Variants in GLIS3 observed in about 807,000 individuals in gnomAD.
The protein encoded by GLIS3 is GLIS family zinc finger 3.
Under a neutral mutation model 78.6 loss-of-function variants are expected in GLIS3, and 53 were observed. The observed-to-expected ratio is 0.67, with a 90% CI of 0.54 to 0.85. GLIS3 has a LOEUF of 0.85. GLIS3 is among the 40% of genes least tolerant of loss of function. GLIS3 has a pLI of 0.00. For synonymous variants in GLIS3, 684 were observed against 509.9 expected (o/e 1.34, Z -4.60); for missense variants, 1,703 against 1,231.1 (o/e 1.38, Z -5.74).
the GLIS3 span, among the ~76,000 whole-genome samples, chr9:4,438,023 G>C: frequency 2.0e-5 from 3 of 152,194 alleles, no homozygotes; most frequent in African/African-American, 7.2e-5. Flanking sequence ...GTGGATTTTT[G>C]ACTGTATAAG....
intron 6 of GLIS3, 33 bp from the exon 7 acceptor site, chr9:3,898,868 G>A: frequency 6.2e-7 from 1 of 1,613,066 alleles, no homozygotes; most frequent in Non-Finnish European, 8.5e-7. Flanking sequence ...ACATCGATAA[G>A]GAGAGCCGGT....
intron 8 of GLIS3, among the ~76,000 whole-genome samples, chr9:3,867,682 A>G (rs1249207903): frequency 6.6e-6 from 1 of 152,026 alleles, no homozygotes; most frequent in Non-Finnish European, 1.5e-5. Context: ...CAACATTGAG[A>G]TCAGGAACAA....
At chr9:4,013,101 G>C (rs551301647) in intron 4 of GLIS3, among the ~76,000 whole-genome samples, 1 of 151,920 alleles carries the variant, frequency 6.6e-6, no homozygotes, top group Admixed American at 6.6e-5. Flanking sequence ...GTATCCTTTG[G>C]GCATCTTCAG....
chr9:4,429,762 T>C, the GLIS3 span, among the ~76,000 whole-genome samples: 33,814 of 151,984 alleles, frequency 0.22, 3,818 homozygotes, highest in Admixed American at 0.27. Context: ...TTTAAAATTA[T>C]GGAATGGAGA....
At chr9:3,921,324 G>T (rs1035804897) in intron 6 of GLIS3, among the ~76,000 whole-genome samples, 2 of 152,200 alleles carry the variant, frequency 1.3e-5, no homozygotes, top group African/African-American at 4.8e-5. Context: ...CCATTCACAG[G>T]CATGGTCTCA....
At chr9:3,863,718 T>G (rs890410037) in intron 8 of GLIS3, among the ~76,000 whole-genome samples, 3 of 152,208 alleles carry the variant, frequency 2.0e-5, no homozygotes, top group African/African-American at 4.8e-5. Flanking sequence ...TGAGTGAGTG[T>G]GAGAAACAGA....
At chr9:4,377,116 G>A in the GLIS3 span, among the ~76,000 whole-genome samples, 3 of 135,146 alleles carry the variant, frequency 2.2e-5, 1 homozygote, top group African/African-American at 7.8e-5. Context: ...AGGATGCCTA[G>A]ATAGCTGGTA....
intron 6 of GLIS3, 181 bp from the exon 7 acceptor site, chr9:3,899,016 A>C: frequency 2.7e-6 from 2 of 727,446 alleles, no homozygotes; most frequent in Non-Finnish European, 4.7e-6. Flanking sequence ...CAATCCTAAT[A>C]ACACCTGGCA....
intron 2 of GLIS3, among the ~76,000 whole-genome samples, chr9:4,185,517 T>A (rs1217570104): frequency 2.6e-5 from 4 of 152,198 alleles, no homozygotes; most frequent in Admixed American, 2.0e-4. Flanking sequence ...TATTTTAACA[T>A]CCTGAAAATT....
chr9:4,396,240 G>T, the GLIS3 span, among the ~76,000 whole-genome samples: 1 of 151,524 alleles, frequency 6.6e-6, no homozygotes, highest in African/African-American at 2.4e-5. Flanking sequence ...AGCTTCCCAA[G>T]TAGCTGGGAT....
At chr9:4,120,577 G>T (rs1281546301) in intron 3 of GLIS3, among the ~76,000 whole-genome samples, 1 of 152,258 alleles carries the variant, frequency 6.6e-6, no homozygotes, top group Admixed American at 6.5e-5. Context: ...GGATGTCAAG[G>T]GCCTTTTGGT....
At chr9:4,410,779 C>T in the GLIS3 span, among the ~76,000 whole-genome samples, 1 of 152,168 alleles carries the variant, frequency 6.6e-6, no homozygotes, top group African/African-American at 2.4e-5. Context: ...TATTTAACTG[C>T]CAGCCAAAGT....
chr9:3,835,979 T>C (rs998498117), intron 9 of GLIS3, among the ~76,000 whole-genome samples: 1 of 152,144 alleles, frequency 6.6e-6, no homozygotes, highest in African/African-American at 2.4e-5. Context: ...CATATGACAA[T>C]AGAAAATTTT....
At chr9:4,326,493 T>G (rs1243290408) in intron 2 of GLIS3, among the ~76,000 whole-genome samples, 2 of 152,082 alleles carry the variant, frequency 1.3e-5, no homozygotes, top group Non-Finnish European at 2.9e-5. Context: ...GTATTTACAG[T>G]AGTAAAATTC....
At chr9:4,372,825 G>T in the GLIS3 span, among the ~76,000 whole-genome samples, 1 of 152,130 alleles carries the variant, frequency 6.6e-6, no homozygotes, top group East Asian at 1.9e-4. Context: ...TTTCACCTAC[G>T]TTCTCACCTC....
intron 2 of GLIS3, among the ~76,000 whole-genome samples, chr9:4,216,714 G>A (rs541884015): frequency 6.4e-4 from 97 of 152,196 alleles, no homozygotes; most frequent in South Asian, 4.8e-3. Context: ...GTCCAATGTG[G>A]CCTAGGATTC....
intron 4 of GLIS3, among the ~76,000 whole-genome samples, chr9:3,957,220 T>C (rs576625805): frequency 2.0e-5 from 3 of 152,354 alleles, no homozygotes; most frequent in East Asian, 3.9e-4. Flanking sequence ...TGGAGCCCTT[T>C]CCCGAGAGTG....
intron 4 of GLIS3, among the ~76,000 whole-genome samples, chr9:3,950,086 C>G (rs1003021099): frequency 2.6e-5 from 4 of 152,216 alleles, no homozygotes; most frequent in Non-Finnish European, 5.9e-5. Context: ...CCAAAGCCTA[C>G]AAGTCATTTT....
At chr9:4,245,047 T>C (rs1823671445) in intron 2 of GLIS3, among the ~76,000 whole-genome samples, 1 of 152,238 alleles carries the variant, frequency 6.6e-6, no homozygotes, top group African/African-American at 2.4e-5. Context: ...ATCTTGGTTC[T>C]ACATCAAAAG....
Sources: gnomAD v4.1 joint callset for allele counts (sites outside exome capture counted in the v4.1 genomes callset) on GRCh38, gnomAD v4.1.1 for gene constraint, MANE v1.5 for transcripts, NCBI Gene and HGNC (gene_info 2026-07-23, HGNC 2026-07-21) for gene names.